PLB1: variants seen among roughly 807,000 people sequenced by gnomAD.
PLB1 encodes the protein phospholipase B1, membrane-associated.
Under a neutral mutation model 227.4 loss-of-function variants are expected in PLB1, and 242 were observed. That is an observed-to-expected ratio of 1.06 (90% CI 0.96 to 1.18). The LOEUF (loss-of-function observed/expected upper bound fraction) is 1.18, where lower values mean the gene tolerates loss of function less well. Ranked by LOEUF, PLB1 falls within the 50% of genes most tolerant of loss-of-function variation. PLB1 has a pLI of 0.00. For synonymous variants in PLB1, 757 were observed against 682.2 expected, an observed-to-expected ratio of 1.11 and a Z score of -1.71; for missense variants, 1,858 against 1,816.3, an observed-to-expected ratio of 1.02 and a Z score of -0.42.
intron 20 of PLB1, among the ~76,000 whole-genome samples, chr2:28,572,860 T>C (rs760528245): frequency 2.0e-5 from 3 of 152,238 alleles, no homozygotes; most frequent in Non-Finnish European, 4.4e-5. Flanking sequence ...GTGCTAGAAG[T>C]TATTGAACTG....
At chr2:28,602,756 G>A in intron 38 of PLB1, 65 bp from the exon 39 acceptor site, 6 of 1,420,126 alleles carry the variant, frequency 4.2e-6, no homozygotes, top group Non-Finnish European at 6.0e-6. Flanking sequence ...CATTCCTAGG[G>A]GCCCTGAGAC....
intron 29 of PLB1, 126 bp downstream of exon 29, chr2:28,590,202 A>G (rs1681662079): frequency 6.1e-6 from 5 of 820,178 alleles, no homozygotes; most frequent in Non-Finnish European, 2.0e-6. Context: ...TCCAGGGTTA[A>G]CTGCCCCAAA....
chr2:28,541,891 G>T, intron 13 of PLB1, 80 bp downstream of exon 13: 1 of 1,152,784 alleles, frequency 8.7e-7, no homozygotes, highest in South Asian at 1.3e-5. Flanking sequence ...CCAGCACTTT[G>T]GGAGGCCGAG....
intron 25 of PLB1, among the ~76,000 whole-genome samples, chr2:28,583,038 A>C (rs1314592659): frequency 6.6e-6 from 1 of 152,120 alleles, no homozygotes; most frequent in Non-Finnish European, 1.5e-5. Context: ...TCCTCCCCAG[A>C]GAGTAGAGAA....
At chr2:28,578,530 T>C (rs529638203) in intron 22 of PLB1, among the ~76,000 whole-genome samples, 1 of 152,010 alleles carries the variant, frequency 6.6e-6, no homozygotes, top group African/African-American at 2.4e-5. Flanking sequence ...CGCCTCTGCT[T>C]AGGACAGTCA....
Position 28,600,851 on chromosome 2 carries a change from A to C in PLB1, c.2517A>C (p.Lys839Asn), listed in dbSNP as rs150430218. 2.3e-4 allele frequency: 378 copies of C among 1,611,434 alleles called. No homozygotes were observed. Among genetic ancestry groups the C allele is most frequent in the Non-Finnish European group, 2.9e-4 (347 of 1,177,618 alleles). Residue 839 changes from lysine (K) to asparagine (N), a missense_variant, in exon 36 of 58, where the codon AAA becomes AAC. Physicochemically the swap from Lys to Asn is moderately conservative, Grantham distance 94 (BLOSUM62 0). Coordinates refer to ENST00000327757, the MANE Select transcript of PLB1 (RefSeq NM_153021.5). Reference protein sequence around the residue: ...SQVQTLMQKMKDDHRVNFHED... With the variant: ...SQVQTLMQKMNDDHRVNFHED... Reference sequence around the variant, plus strand: ...TCCAAACTCTGATGCAGAAGATGAAAGATGATCATGTGAGTCAGATTTACT... The same window carrying C: ...TCCAAACTCTGATGCAGAAGATGAACGATGATCATGTGAGTCAGATTTACT...
chr2:28,508,021 A>C (rs1323419124), intron 1 of PLB1, among the ~76,000 whole-genome samples: 1 of 152,222 alleles, frequency 6.6e-6, no homozygotes, highest in African/African-American at 2.4e-5. Flanking sequence ...ACTAATGGTA[A>C]TAAGGACAGC....
chr2:28,553,896 A>G (rs554997667), intron 17 of PLB1, among the ~76,000 whole-genome samples: 7 of 152,136 alleles, frequency 4.6e-5, no homozygotes, highest in Non-Finnish European at 1.0e-4. Flanking sequence ...GGGGATGCAA[A>G]TCTTTGTAGT....
intron 35 of PLB1, among the ~76,000 whole-genome samples, chr2:28,599,850 A>T (rs1304668106): frequency 1.3e-5 from 2 of 152,136 alleles, no homozygotes; most frequent in Non-Finnish European, 2.9e-5. Flanking sequence ...CCTGACCTCA[A>T]GTGATCCACC....
At chr2:28,554,362 C>G (rs1363344775) in intron 17 of PLB1, among the ~76,000 whole-genome samples, 2 of 151,734 alleles carry the variant, frequency 1.3e-5, no homozygotes, top group African/African-American at 4.8e-5. Context: ...CGGTCTTACT[C>G]TGTTGCCCAG....
At chr2:28,579,808 C>G in intron 23 of PLB1, 101 bp downstream of exon 23, 2 of 997,398 alleles carry the variant, frequency 2.0e-6, no homozygotes, top group Non-Finnish European at 3.2e-6. Flanking sequence ...AGTTGGGACT[C>G]AGGCTCATGG....
intron 9 of PLB1, among the ~76,000 whole-genome samples, chr2:28,534,794 C>A (rs1265387160): frequency 6.6e-6 from 1 of 151,872 alleles, no homozygotes; most frequent in Non-Finnish European, 1.5e-5. Context: ...ACAGAGGTTG[C>A]AGTGAGCCAA....
At chr2:28,592,802 G>T in intron 32 of PLB1, 83 bp downstream of exon 32, 3 of 1,319,628 alleles carry the variant, frequency 2.3e-6, no homozygotes, top group Non-Finnish European at 3.2e-6. Flanking sequence ...GGGTCTGCAT[G>T]CCTGTCCTCT....
chr2:28,530,799 G>A (rs974239695), intron 8 of PLB1, among the ~76,000 whole-genome samples: 1 of 152,192 alleles, frequency 6.6e-6, no homozygotes, highest in Admixed American at 6.5e-5. Context: ...GTGAAGTGAA[G>A]GTCATTCTAA....
At chr2:28,538,932 C>T (rs144127881) in intron 10 of PLB1, among the ~76,000 whole-genome samples, 167 bp from the exon 11 acceptor site, 98 of 152,244 alleles carry the variant, frequency 6.4e-4, no homozygotes, top group African/African-American at 2.2e-3. Flanking sequence ...GCTGGCAGCG[C>T]AGACTGACCC....
At chr2:28,632,648 C>T (rs181458303) in intron 55 of PLB1, among the ~76,000 whole-genome samples, 112 of 151,964 alleles carry the variant, frequency 7.4e-4, no homozygotes, top group African/African-American at 2.6e-3. Flanking sequence ...GTTAGCTGGG[C>T]GTGATGGCAG....
chr2:28,600,311 G>A lies in PLB1; in HGVS notation c.2475-498G>A, dbSNP rs558962714. Among the ~76,000 whole-genome samples, 66 of 152,292 alleles carry A rather than the reference G, an allele frequency of 4.3e-4. 1 individual carries two copies. The South Asian group carries it at 0.012, about 29-fold the overall frequency. ...TAAGTTTACAAACAAAAGAATATAC[G>A]TAAGAGAAAAATCGCAGCCATTGGA... On this transcript the variant is annotated intron_variant, in intron 35 of 57. Transcript: ENST00000327757.
chr2:28,566,870 G>C (rs761552564), intron 20 of PLB1, 31 bp downstream of exon 20: 4 of 1,613,378 alleles, frequency 2.5e-6, no homozygotes, highest in Non-Finnish European at 3.4e-6. Flanking sequence ...GGGATGTTTG[G>C]TTTGGGGCGG....
intron 6 of PLB1, among the ~76,000 whole-genome samples, chr2:28,528,016 A>G (rs1670501795): frequency 6.6e-6 from 1 of 152,182 alleles, no homozygotes; most frequent in African/African-American, 2.4e-5. Flanking sequence ...ACAGGTGGAA[A>G]AGTGTTTCTT....
Sources: allele counts gnomAD v4.1 joint callset (sites outside exome capture counted in the v4.1 genomes callset), GRCh38; gene constraint gnomAD v4.1.1; transcripts MANE v1.5; gene names NCBI Gene and HGNC (gene_info 2026-07-23, HGNC 2026-07-21).